TNS1: variants seen among roughly 807,000 people sequenced by gnomAD.
The protein encoded by TNS1 is tensin-1.
In TNS1, 62 loss-of-function variants were observed where a neutral mutation model predicts 168.6. That is an observed-to-expected ratio of 0.37 (90% CI 0.30 to 0.45). The LOEUF is 0.45. Among genes scored for constraint, TNS1 ranks in the 20% least tolerant of loss-of-function variants. The pLI, the probability that TNS1 is intolerant of heterozygous loss-of-function variation, is 1.00. For missense variants in TNS1, 2,240 were observed against 2,339.4 expected, an observed-to-expected ratio of 0.96 and a Z score of 0.88; for synonymous variants, 934 against 933.2, an observed-to-expected ratio of 1.00 and a Z score of -0.02.
chr2:217,815,291 AGGATGCTGGCAGCCACAAGAAACT>A, intron 24 of TNS1: 1 of 341,046 alleles, frequency 2.9e-6, no homozygotes, highest in Admixed American at 3.9e-5. Context: ...AGGGACACCA[AGGATGCTGGCAGCCACAAGAAACT>A]GGGAGAGAGG....
At chr2:217,810,381 G>T in intron 28 of TNS1, 62 bp from the exon 29 acceptor site, 1 of 1,536,614 alleles carries the variant, frequency 6.5e-7, no homozygotes, top group Non-Finnish European at 9.0e-7. Flanking sequence ...AAGTTTGGCT[G>T]GGCTGAAGGT....
At chr2:217,977,061 CA>C (rs1309873731) in intron 3 of TNS1, among the ~76,000 whole-genome samples, 1 of 152,210 alleles carries the variant, frequency 6.6e-6, no homozygotes, top group Non-Finnish European at 1.5e-5. Context: ...ATTAAAAGAA[CA>C]AAGTCTGATA....
intron 18 of TNS1, among the ~76,000 whole-genome samples, chr2:217,855,731 G>A (rs1017475210): frequency 6.6e-6 from 1 of 152,238 alleles, no homozygotes; most frequent in African/African-American, 2.4e-5. Context: ...GCCTTACACC[G>A]AGTAGCCGAG....
chr2:217,900,549 G>C, intron 6 of TNS1, 37 bp from the exon 7 acceptor site: 1 of 1,533,052 alleles, frequency 6.5e-7, no homozygotes, highest in East Asian at 2.4e-5. Flanking sequence ...TTATGCAGGG[G>C]TGGGCAGGAT....
At chr2:218,022,218 T>G (rs1406666625) in intron 1 of TNS1, among the ~76,000 whole-genome samples, 1 of 150,990 alleles carries the variant, frequency 6.6e-6, no homozygotes, top group East Asian at 2.0e-4. Flanking sequence ...GGAGGCAGAG[T>G]GACAGGGAGA....
At position 217,808,056 on chromosome 2, in the gene TNS1, G is replaced by A; in HGVS notation, c.5375+19C>T. 1 of 1,613,138 alleles carries A rather than the reference G, an allele frequency of 6.2e-7. No homozygotes were observed. Among genetic ancestry groups the A allele is most frequent in the Non-Finnish European group, 8.5e-7 (1 of 1,179,902 alleles). The stretch of plus-strand genomic sequence containing the variant: ...TACAAAGGCCAGCCTGCTGGGCAGG[G>A]GTAAGAAGTCACACTTACTTAGCAG... On this transcript the variant is annotated intron_variant, in intron 32 of 32. Coordinates refer to ENST00000682258, the MANE Select transcript of TNS1 (RefSeq NM_001387777.1).
In TNS1 at chr2:217,888,202, T is replaced by C. The variant is rs549546971; in HGVS notation, c.867-1556A>G. Among the ~76,000 whole-genome samples, 3 of 152,296 alleles carry C rather than the reference T, an allele frequency of 2.0e-5. No homozygotes were observed. The East Asian group carries it at 5.8e-4, about 29-fold the overall frequency. On this transcript the variant is annotated intron_variant, in intron 12 of 32. Coordinates refer to ENST00000682258, the MANE Select transcript of TNS1 (RefSeq NM_001387777.1). ...AGATCTCTGGATCGTGCCAACAGGA[T>C]GTGTCTGTGTTCGAGGGACAATGAG...
At chr2:217,991,497 T>C (rs1958365508) in intron 1 of TNS1, among the ~76,000 whole-genome samples, 1 of 152,094 alleles carries the variant, frequency 6.6e-6, no homozygotes, top group South Asian at 2.1e-4. Context: ...GTTAATACTA[T>C]TGTGGCTTCC....
chr2:217,893,401 C>G (rs1302207805), intron 10 of TNS1, 38 bp downstream of exon 10: 1 of 412,956 alleles, frequency 2.4e-6, no homozygotes, highest in African/African-American at 1.1e-4. Context: ...TGCGCGCGCG[C>G]ACACACACAC....
intron 18 of TNS1, among the ~76,000 whole-genome samples, chr2:217,849,350 G>A (rs1025746321): frequency 3.3e-5 from 5 of 152,160 alleles, no homozygotes; most frequent in African/African-American, 4.8e-5. Context: ...GGGGCAAATC[G>A]CTCCAGTCCC....
At chr2:217,947,503 G>T (rs1395779930) in intron 3 of TNS1, among the ~76,000 whole-genome samples, 1 of 152,128 alleles carries the variant, frequency 6.6e-6, no homozygotes, top group Non-Finnish European at 1.5e-5. Flanking sequence ...CAGAAACAGA[G>T]ACCCAGAAGG....
intron 18 of TNS1, among the ~76,000 whole-genome samples, chr2:217,869,619 GCAGCCCTCAGC>G (rs948016498): frequency 1.3e-5 from 2 of 152,214 alleles, no homozygotes; most frequent in African/African-American, 4.8e-5. Flanking sequence ...GTGAGGAAAG[GCAGCCCTCAGC>G]CAGCCAAGTC....
upstream of TNS1, among the ~76,000 whole-genome samples, chr2:218,011,543 G>A (rs1432540908): frequency 6.6e-6 from 1 of 152,108 alleles, no homozygotes; most frequent in East Asian, 1.9e-4. Flanking sequence ...GGCTGCCCTA[G>A]CACCATCTCA....
intron 32 of TNS1, 68 bp downstream of exon 32, chr2:217,808,006 GC>G: frequency 6.3e-7 from 1 of 1,576,042 alleles, no homozygotes; most frequent in African/African-American, 1.3e-5. Flanking sequence ...TTCTAAATGT[GC>G]CCCGTGCTTC....
chr2:217,863,687 G>C (rs1485155946), intron 18 of TNS1, among the ~76,000 whole-genome samples: 1 of 152,188 alleles, frequency 6.6e-6, no homozygotes, highest in African/African-American at 2.4e-5. Context: ...GGTAAAATGA[G>C]TGGGAGGAGA....
intron 22 of TNS1, among the ~76,000 whole-genome samples, chr2:217,822,796 CA>C (rs1943074405): frequency 6.6e-6 from 1 of 152,214 alleles, no homozygotes; most frequent in African/African-American, 2.4e-5. Flanking sequence ...CCCAGACCGG[CA>C]CCTGCCCAAC....
intron 12 of TNS1, among the ~76,000 whole-genome samples, chr2:217,888,079 G>A (rs977518139): frequency 2.0e-5 from 3 of 152,118 alleles, no homozygotes; most frequent in African/African-American, 7.2e-5. Flanking sequence ...GGGCCTCCTC[G>A]GACTACTCAA....
intron 19 of TNS1, among the ~76,000 whole-genome samples, chr2:217,846,808 T>C (rs1946711042): frequency 6.6e-6 from 1 of 152,230 alleles, no homozygotes; most frequent in Non-Finnish European, 1.5e-5. Flanking sequence ...CACTCTCTGA[T>C]AGGAAAAGGA....
Position 217,813,788 on chromosome 2 carries a change from C to T in TNS1, c.4758G>A (p.Pro1586=), listed in dbSNP as rs1393996857. 18 of 1,613,200 alleles carry T rather than the reference C, an allele frequency of 1.1e-5. No individual in the cohort carries two copies. The highest frequency in any genetic ancestry group is 1.3e-5 in the African/African-American group (1 of 74,878). ...QAIALLKDQE[P]GAFIIRDSHS... ...GACTGTCGCGGATGATGAAGGCCCC[C>T]GGCTCCTGGTCCTTGAGGAGCGCGA... The change falls in exon 26 of 33, where the codon CCG becomes CCA. Residue 1586 remains proline, a synonymous_variant. Transcript: ENST00000682258. This position sits in a 1 kb window ranked among gnomAD's most constrained non-coding sequence, Gnocchi z 4.0.
Sources: gnomAD v4.1 joint callset for allele counts (sites outside exome capture counted in the v4.1 genomes callset) on GRCh38, gnomAD v4.1.1 for gene constraint, Gnocchi (gnomAD v3.1) non-coding constraint, MANE v1.5 for transcripts, NCBI Gene and HGNC (gene_info 2026-07-23, HGNC 2026-07-21) for gene names.